Variants in CDH10 observed in about 807,000 individuals in gnomAD.
CDH10 encodes the protein cadherin 10.
A neutral mutation model predicts 73.1 loss-of-function variants in CDH10; 30 were observed. The ratio of observed to expected loss-of-function variants is 0.41; its 90% CI spans 0.31 to 0.56. CDH10 has a LOEUF of 0.56. CDH10 is among the 20% of genes least tolerant of loss of function. The pLI, the probability that CDH10 is intolerant of heterozygous loss-of-function variation, is 0.27. For missense variants in CDH10, 815 were observed against 973.7 expected (o/e 0.84, Z 2.17); for synonymous variants, 345 against 348.2 (o/e 0.99, Z 0.10).
At chr5:24,594,058 C>A (rs1408246125) in intron 1 of CDH10, among the ~76,000 whole-genome samples, 3 of 151,872 alleles carry the variant, frequency 2.0e-5, no homozygotes, top group Admixed American at 2.0e-4. Flanking sequence ...ACAGCAGCAT[C>A]ATTTCTTCAA....
At chr5:24,532,116 C>A (rs1394064903) in intron 5 of CDH10, among the ~76,000 whole-genome samples, 1 of 151,952 alleles carries the variant, frequency 6.6e-6, no homozygotes, top group Non-Finnish European at 1.5e-5. Context: ...AAAAATAAAG[C>A]AAGATATCTG....
chr5:24,501,597 T>A (rs1742496962), intron 8 of CDH10, among the ~76,000 whole-genome samples: 1 of 152,202 alleles, frequency 6.6e-6, no homozygotes, highest in Non-Finnish European at 1.5e-5. Flanking sequence ...GGTGAAGCCA[T>A]GACGATGCAT....
At chr5:24,614,637 C>T (rs1402352322) in intron 1 of CDH10, among the ~76,000 whole-genome samples, 1 of 152,126 alleles carries the variant, frequency 6.6e-6, no homozygotes, top group Non-Finnish European at 1.5e-5. Flanking sequence ...CAGATGAAGA[C>T]AGAATTTAGT....
chr5:24,519,359 A>T (rs541330198), intron 5 of CDH10, among the ~76,000 whole-genome samples: 1 of 152,192 alleles, frequency 6.6e-6, no homozygotes, highest in African/African-American at 2.4e-5. Context: ...ACAAAATTTA[A>T]AAAGGTTGAT....
At chr5:24,639,624 T>C (rs1355838796) in intron 1 of CDH10, among the ~76,000 whole-genome samples, 4 of 151,732 alleles carry the variant, frequency 2.6e-5, no homozygotes, top group African/African-American at 9.7e-5. Context: ...ACAAAAGCAA[T>C]GGTAGTTCTT....
intron 1 of CDH10, among the ~76,000 whole-genome samples, chr5:24,606,629 A>C (rs1746772445): frequency 6.6e-6 from 1 of 152,132 alleles, no homozygotes; most frequent in Admixed American, 6.5e-5. Flanking sequence ...AAGAACAAAC[A>C]AACAAAAAAA....
intron 2 of CDH10, among the ~76,000 whole-genome samples, chr5:24,539,936 G>T (rs1744089382): frequency 1.3e-5 from 2 of 152,014 alleles, no homozygotes; most frequent in Admixed American, 6.6e-5. Context: ...AATAATTCAA[G>T]AAAAATTATT....
At chr5:24,601,395 C>T (rs1324300834) in intron 1 of CDH10, among the ~76,000 whole-genome samples, 1 of 152,124 alleles carries the variant, frequency 6.6e-6, no homozygotes, top group Admixed American at 6.6e-5. Context: ...GTTCTGAAAT[C>T]TCCTACATAA....
intron 2 of CDH10, chr5:24,554,134 T>TTCAA (rs1744675009): frequency 5.4e-5 from 2 of 36,788 alleles, no homozygotes; most frequent in Non-Finnish European, 1.3e-4. Context: ...GAGAGAGACA[T>TTCAA]TCAATCAGCC....
intron 1 of CDH10, among the ~76,000 whole-genome samples, chr5:24,607,639 T>G (rs894614626): frequency 2.0e-5 from 3 of 152,210 alleles, no homozygotes; most frequent in African/African-American, 7.2e-5. Context: ...TGTCTAGGGA[T>G]GTCCGTTAGT....
At chr5:24,551,966 T>G (rs1744562259) in intron 2 of CDH10, among the ~76,000 whole-genome samples, 1 of 152,146 alleles carries the variant, frequency 6.6e-6, no homozygotes, top group Non-Finnish European at 1.5e-5. Context: ...TTTCCATTTT[T>G]GACATGGATT....
intron 1 of CDH10, among the ~76,000 whole-genome samples, chr5:24,630,407 G>T (rs1044341734): frequency 2.0e-5 from 3 of 151,928 alleles, no homozygotes; most frequent in African/African-American, 7.2e-5. Flanking sequence ...GAAAAAATTA[G>T]CCTGGCATGG....
chr5:24,562,615 CTATT>C lies in CDH10; in HGVS notation c.232-24945_232-24942del, dbSNP rs200677417. Among the ~76,000 whole-genome samples, 1,489 of 152,100 alleles carry C rather than the reference CTATT, an allele frequency of 9.8e-3. 13 individuals carry two copies. Among genetic ancestry groups the C allele is most frequent in the Non-Finnish European group, 0.013 (856 of 67,964 alleles). The stretch of plus-strand genomic sequence containing the variant: ...ATAAGCCACTGTAAAACTTGATTGT[CTATT>C]TATTCTACAAAAATTTCTGTAGTTA... On this transcript the variant is annotated intron_variant, in intron 2 of 11. Transcript: ENST00000264463.
intron 1 of CDH10, among the ~76,000 whole-genome samples, chr5:24,639,014 A>G (rs1478410462): frequency 2.0e-5 from 3 of 151,688 alleles, no homozygotes; most frequent in African/African-American, 7.2e-5. Context: ...TAAGGAAAAT[A>G]TTTTATATAA....
At chr5:24,511,260 G>T in intron 6 of CDH10, 67 bp downstream of exon 6, 1 of 919,544 alleles carries the variant, frequency 1.1e-6, no homozygotes, top group Non-Finnish European at 1.7e-6. Flanking sequence ...ATTCATGAGC[G>T]AAGAGTATAT....
chr5:24,563,547 A>G (rs1173616165), intron 2 of CDH10, among the ~76,000 whole-genome samples: 1 of 144,976 alleles, frequency 6.9e-6, no homozygotes, highest in Admixed American at 7.0e-5. Context: ...CGAGGTCAGG[A>G]GATGGAGACC....
At position 24,594,200 on chromosome 5, in the gene CDH10, C is replaced by A. The variant is rs571039042; in HGVS notation, c.-123-587G>T. 3.9e-5 allele frequency among the ~76,000 whole-genome samples: 6 copies of A among 151,912 alleles called. No homozygotes were observed. The East Asian group carries it at 1.2e-3, about 29-fold the overall frequency. ...CCTGTTAGGTTAGCCTGGGGAACAC[C>A]TAGAGTTTCCTTGAGTAGAAAGTAA... is the stretch of plus-strand genomic sequence containing the variant. On this transcript the variant is annotated intron_variant, in intron 1 of 11. Coordinates refer to ENST00000264463, the MANE Select transcript of CDH10 (RefSeq NM_006727.5).
At chr5:24,614,121 A>T (rs937922777) in intron 1 of CDH10, among the ~76,000 whole-genome samples, 1 of 152,166 alleles carries the variant, frequency 6.6e-6, no homozygotes, top group Non-Finnish European at 1.5e-5. Context: ...TTTTATGGTC[A>T]GTGTCATTAC....
chr5:24,584,617 C>T (rs1278010710), intron 2 of CDH10, among the ~76,000 whole-genome samples: 2 of 151,592 alleles, frequency 1.3e-5, no homozygotes, highest in African/African-American at 4.8e-5. Context: ...ACTACAGGCA[C>T]GTGCCACCAC....
Sources: gnomAD v4.1 joint callset for allele counts (sites outside exome capture counted in the v4.1 genomes callset) on GRCh38, gnomAD v4.1.1 for gene constraint, MANE v1.5 for transcripts, NCBI Gene and HGNC (gene_info 2026-07-23, HGNC 2026-07-21) for gene names.